Variants in SLC4A1AP observed in about 807,000 individuals in gnomAD.
The protein encoded by SLC4A1AP is solute carrier family 4 member 1 adaptor protein, also known as kanadaptin.
Under a neutral mutation model 89.7 loss-of-function variants are expected in SLC4A1AP, and 64 were observed. The observed-to-expected ratio is 0.71, with a 90% CI of 0.58 to 0.88. SLC4A1AP has a LOEUF of 0.88. Ranked by LOEUF, SLC4A1AP falls within the 40% of genes least tolerant of loss-of-function variation. The pLI, the probability that SLC4A1AP is intolerant of heterozygous loss-of-function variation, is 0.00. For synonymous variants in SLC4A1AP, 366 were observed against 353.3 expected (o/e 1.04, Z -0.40); for missense variants, 931 against 965.0 (o/e 0.96, Z 0.47).
chr2:27,670,925 T>TTC (rs1443242794), intron 5 of SLC4A1AP, among the ~76,000 whole-genome samples: 2 of 137,934 alleles, frequency 1.4e-5, no homozygotes, highest in Non-Finnish European at 3.1e-5. Flanking sequence ...TTCTTTTCTT[T>TTC]TTTTTTTTTT....
intron 2 of SLC4A1AP, among the ~76,000 whole-genome samples, chr2:27,665,514 T>C (rs1675302444): frequency 6.6e-6 from 1 of 152,218 alleles, no homozygotes; most frequent in Non-Finnish European, 1.5e-5. Context: ...AAAAATTTAT[T>C]TTTAATGCAC....
intron 12 of SLC4A1AP, among the ~76,000 whole-genome samples, chr2:27,689,713 A>C (rs1338009255): frequency 1.3e-5 from 2 of 152,232 alleles, no homozygotes; most frequent in Non-Finnish European, 2.9e-5. Flanking sequence ...AGCATGAATC[A>C]TATTGTTTGT....
intron 5 of SLC4A1AP, among the ~76,000 whole-genome samples, chr2:27,674,025 T>C (rs1572991415): frequency 6.7e-6 from 1 of 149,844 alleles, no homozygotes. Context: ...TGTGTGTGTG[T>C]GTGTGTCTGT....
chr2:27,664,342 G>A, exon 1 of SLC4A1AP: 2 of 1,614,202 alleles, frequency 1.2e-6, no homozygotes, highest in South Asian at 2.2e-5. Context: ...CTGTCTGGCT[G>A]CGACGTGTGC....
At chr2:27,664,422 T>C in exon 1 of SLC4A1AP, 7 of 1,614,178 alleles carry the variant, frequency 4.3e-6, no homozygotes, top group South Asian at 1.1e-5. Flanking sequence ...TGACGGAGAA[T>C]GCGACAGCAA....
intron 12 of SLC4A1AP, chr2:27,691,681 C>G (rs771429076): frequency 2.0e-5 from 3 of 151,588 alleles, no homozygotes; most frequent in Admixed American, 1.3e-4. Flanking sequence ...CTCTGCCTCC[C>G]GGGTTCAAGC....
intron 3 of SLC4A1AP, 166 bp from the exon 4 acceptor site, chr2:27,668,677 T>G (rs770314190): frequency 1.4e-5 from 10 of 720,054 alleles, no homozygotes; most frequent in South Asian, 1.3e-4. Flanking sequence ...TTCGCGCTCC[T>G]TAACTCAAGC....
chr2:27,679,010 A>G (rs1188972529), intron 8 of SLC4A1AP, among the ~76,000 whole-genome samples: 4 of 151,958 alleles, frequency 2.6e-5, no homozygotes, highest in African/African-American at 9.7e-5. Context: ...GAGCCACCAC[A>G]CCTGGTCTTA....
chr2:27,691,005 T>C (rs748084714), intron 12 of SLC4A1AP, among the ~76,000 whole-genome samples: 2 of 152,108 alleles, frequency 1.3e-5, no homozygotes, highest in African/African-American at 2.4e-5. Context: ...TTTCTTTTTT[T>C]TTGTTATGTC....
At chr2:27,673,458 T>G (rs1321279789) in intron 5 of SLC4A1AP, among the ~76,000 whole-genome samples, 1 of 121,682 alleles carries the variant, frequency 8.2e-6, no homozygotes, top group Non-Finnish European at 1.7e-5. Context: ...CTTCCTTCCT[T>G]CCTTCTTTCC....
chr2:27,688,892 T>C, intron 12 of SLC4A1AP, 125 bp downstream of exon 12: 1 of 618,832 alleles, frequency 1.6e-6, no homozygotes. Flanking sequence ...CTCCTAGAAA[T>C]CTAGATTCTT....
At chr2:27,667,470 T>C in intron 3 of SLC4A1AP, 80 bp downstream of exon 3, 1 of 1,294,334 alleles carries the variant, frequency 7.7e-7, no homozygotes, top group Non-Finnish European at 1.0e-6. Context: ...TTGAGCTTTA[T>C]ACTAAGATAT....
At chr2:27,683,249 GTATGT>G (rs1398361076) in intron 9 of SLC4A1AP, among the ~76,000 whole-genome samples, 1 of 152,214 alleles carries the variant, frequency 6.6e-6, no homozygotes, top group Non-Finnish European at 1.5e-5. Context: ...ATGTCTGTCT[GTATGT>G]TTTTGCTTTA....
At chr2:27,672,112 A>G (rs1434798725) in intron 5 of SLC4A1AP, among the ~76,000 whole-genome samples, 2 of 152,130 alleles carry the variant, frequency 1.3e-5, no homozygotes, top group African/African-American at 2.4e-5. Flanking sequence ...TTCTAAAACT[A>G]TGAAGTACTT....
rs1221375978 is a variant in SLC4A1AP, at chr2:27,689,922, C to T, written c.2271+1155C>T. Among the ~76,000 whole-genome samples, 5 of 152,180 alleles carry T rather than the reference C, an allele frequency of 3.3e-5. No homozygotes were observed. The East Asian group carries it at 9.6e-4, about 29-fold the overall frequency. ...AAATTTCCCTCTATGGGGGCTGTAC[C>T]ATTTAGCACTCACACCTGCAGTGTG... is the stretch of plus-strand genomic sequence containing the variant. On this transcript the variant is annotated intron_variant, in intron 12 of 13. Transcript: ENST00000613058.
intron 5 of SLC4A1AP, among the ~76,000 whole-genome samples, chr2:27,672,728 G>T (rs2148133219): frequency 6.6e-6 from 1 of 152,284 alleles, no homozygotes; most frequent in Non-Finnish European, 1.5e-5. Context: ...TATAGGTGGG[G>T]TTTGTTGACT....
At chr2:27,677,512 A>G in intron 7 of SLC4A1AP, 148 bp downstream of exon 7, 2 of 688,082 alleles carry the variant, frequency 2.9e-6, no homozygotes, top group Non-Finnish European at 4.9e-6. Context: ...AAAGAACATT[A>G]TAAATCATTT....
chr2:27,689,060 A>G (rs557357915), intron 12 of SLC4A1AP, among the ~76,000 whole-genome samples: 117 of 152,126 alleles, frequency 7.7e-4, no homozygotes, highest in Non-Finnish European at 1.4e-3. Flanking sequence ...TCCTCCTTTT[A>G]TTACACAAAA....
intron 9 of SLC4A1AP, among the ~76,000 whole-genome samples, chr2:27,684,106 G>C (rs528826696): frequency 1.1e-4 from 17 of 152,050 alleles, no homozygotes; most frequent in Non-Finnish European, 2.2e-4. Flanking sequence ...CCTCCTTAGA[G>C]AATTTTAGAA....
Sources: gnomAD v4.1 joint callset for allele counts (sites outside exome capture counted in the v4.1 genomes callset) on GRCh38, gnomAD v4.1.1 for gene constraint, MANE v1.5 for transcripts, NCBI Gene and HGNC (gene_info 2026-07-23, HGNC 2026-07-21) for gene names.